COL5A2: variants seen among roughly 807,000 people sequenced by gnomAD.
The protein encoded by COL5A2 is collagen type V alpha 2 chain, also known as collagen alpha-2(V) chain.
A neutral mutation model predicts 208.2 loss-of-function variants in COL5A2; 23 were observed. That is an observed-to-expected ratio of 0.11 (90% confidence interval 0.08 to 0.16). The LOEUF (loss-of-function observed/expected upper bound fraction) is 0.16. Among genes scored for constraint, COL5A2 ranks in the 10% least tolerant of loss-of-function variants. COL5A2 has a pLI of 1.00. For synonymous variants in COL5A2, 625 were observed against 628.5 expected (o/e 0.99, Z 0.08); for missense variants, 1,590 against 1,956.4 (o/e 0.81, Z 3.53).
chr2:189,287,351 T>C, the COL5A2 span, among the ~76,000 whole-genome samples: 1 of 152,060 alleles, frequency 6.6e-6, no homozygotes, highest in Non-Finnish European at 1.5e-5. Flanking sequence ...GCTTTCCAAT[T>C]TTGTTACTGA....
At chr2:189,248,121 G>A in the COL5A2 span, among the ~76,000 whole-genome samples, 1 of 152,320 alleles carries the variant, frequency 6.6e-6, no homozygotes, top group South Asian at 2.1e-4. Flanking sequence ...TTCATAAAAA[G>A]GGAAGGTAAG....
At chr2:189,041,511 C>T in intron 50 of COL5A2, 75 bp downstream of exon 50, 2 of 1,196,164 alleles carry the variant, frequency 1.7e-6, no homozygotes, top group Middle Eastern at 1.9e-4. Flanking sequence ...AATCGGGCTG[C>T]ACAGACATTT....
intron 5 of COL5A2, among the ~76,000 whole-genome samples, chr2:189,098,064 G>A (rs1052643925): frequency 6.6e-6 from 1 of 151,582 alleles, no homozygotes; most frequent in African/African-American, 2.4e-5. Flanking sequence ...TGTTGCCAGG[G>A]GGACTTTGTT....
At chr2:189,132,914 C>G (rs542128228) in intron 1 of COL5A2, 3 of 152,088 alleles carry the variant, frequency 2.0e-5, no homozygotes, top group Admixed American at 1.3e-4. Flanking sequence ...GAGCAAGACT[C>G]CATCTCAAAA....
At chr2:189,296,167 T>C in the COL5A2 span, among the ~76,000 whole-genome samples, 2 of 152,138 alleles carry the variant, frequency 1.3e-5, no homozygotes, top group Non-Finnish European at 2.9e-5. Context: ...ATGTAGGTGT[T>C]TCTCAAGTTT....
At chr2:189,274,411 T>A in the COL5A2 span, among the ~76,000 whole-genome samples, 1 of 152,182 alleles carries the variant, frequency 6.6e-6, no homozygotes, top group Non-Finnish European at 1.5e-5. Context: ...TCTGTATGTT[T>A]TGTCCACAAG....
chr2:189,079,128 A>G (rs749507970), intron 14 of COL5A2, 21 bp from the exon 15 acceptor site: 2 of 1,601,342 alleles, frequency 1.2e-6, no homozygotes, highest in Admixed American at 1.7e-5. Flanking sequence ...ATGAGAATAC[A>G]TTACAGTATG....
At chr2:189,107,920 G>A (rs1687182281) in intron 2 of COL5A2, among the ~76,000 whole-genome samples, 1 of 151,474 alleles carries the variant, frequency 6.6e-6, no homozygotes. Flanking sequence ...TGCCGCTCAG[G>A]TTTTCTTCTA....
intron 1 of COL5A2, among the ~76,000 whole-genome samples, chr2:189,126,531 T>C (rs1489945671): frequency 6.6e-6 from 1 of 152,098 alleles, no homozygotes; most frequent in African/African-American, 2.4e-5. Flanking sequence ...GCAGAATTTC[T>C]TAAGAGGAAA....
the COL5A2 span, among the ~76,000 whole-genome samples, chr2:189,270,384 C>T: frequency 6.6e-6 from 1 of 152,054 alleles, no homozygotes; most frequent in Admixed American, 6.6e-5. Flanking sequence ...TTACCTTCTA[C>T]ACACTGCTTT....
chr2:189,433,344 A>T, the COL5A2 span, among the ~76,000 whole-genome samples: 9 of 152,242 alleles, frequency 5.9e-5, no homozygotes, highest in African/African-American at 2.2e-4. Context: ...AGCAGAACTG[A>T]AAGAGATACA....
the COL5A2 span, among the ~76,000 whole-genome samples, chr2:189,274,253 C>T: frequency 2.5e-4 from 38 of 152,108 alleles, no homozygotes; most frequent in African/African-American, 7.5e-4. Flanking sequence ...AACTCTGGTA[C>T]GACACTGATA....
chr2:189,218,690 T>C (rs921860252), intron 1 of COL5A2, among the ~76,000 whole-genome samples: 2 of 152,112 alleles, frequency 1.3e-5, no homozygotes, highest in Non-Finnish European at 2.9e-5. Flanking sequence ...TTAAAATGTA[T>C]AAAACCAGCA....
chr2:189,123,404 T>G (rs1173286200), intron 1 of COL5A2, among the ~76,000 whole-genome samples: 1 of 152,210 alleles, frequency 6.6e-6, no homozygotes, highest in Non-Finnish European at 1.5e-5. Flanking sequence ...TGACATTATT[T>G]GTAAATAAGG....
chr2:189,083,239 C>A (rs56044677), intron 12 of COL5A2, among the ~76,000 whole-genome samples: 107 of 152,020 alleles, frequency 7.0e-4, no homozygotes, highest in African/African-American at 2.5e-3. Flanking sequence ...CCATGGCCAG[C>A]GTAACACATT....
At position 189,034,091 on chromosome 2, in the gene COL5A2, A is replaced by G. The variant is rs1371707390; in HGVS notation, c.4479T>C (p.Ile1493=). 3 of 1,613,994 alleles carry G rather than the reference A, an allele frequency of 1.9e-6. No individual in the cohort carries two copies. Among genetic ancestry groups the G allele is most frequent in the South Asian group, 1.1e-5 (1 of 91,086 alleles). Residue 1493 remains isoleucine (I), a synonymous_variant, in exon 54 of 54, where the codon ATT becomes ATC. Transcript: ENST00000374866. ...GGTDQEFGVE[I]GPVCFV The stretch of plus-strand genomic sequence containing the variant: ...TACTTTACACAAAACAAACTGGCCC[A>G]ATTTCAACGCCGAATTCCTGGTCTG...
intron 13 of COL5A2, among the ~76,000 whole-genome samples, chr2:189,080,372 T>C (rs940737188): frequency 1.3e-5 from 2 of 152,188 alleles, no homozygotes; most frequent in African/African-American, 4.8e-5. Flanking sequence ...ATATCATTTG[T>C]ATTCAAGGTG....
At chr2:189,212,671 C>A (rs1453203158) in intron 1 of COL5A2, among the ~76,000 whole-genome samples, 1 of 150,886 alleles carries the variant, frequency 6.6e-6, no homozygotes, top group Non-Finnish European at 1.5e-5. Context: ...CAGGGCTCTC[C>A]TCCAGCACAG....
At chr2:189,430,882 G>C in the COL5A2 span, among the ~76,000 whole-genome samples, 1 of 152,194 alleles carries the variant, frequency 6.6e-6, no homozygotes, top group African/African-American at 2.4e-5. Flanking sequence ...GTGGGTCCCT[G>C]ACCCCTGTGT....
Sources: allele counts gnomAD v4.1 joint callset (sites outside exome capture counted in the v4.1 genomes callset), GRCh38; gene constraint gnomAD v4.1.1; transcripts MANE v1.5; gene names NCBI Gene and HGNC (gene_info 2026-07-23, HGNC 2026-07-21).